The following XRCC3 variants were observed in gnomAD, a reference collection of about 807,000 sequenced individuals.
The protein encoded by XRCC3 is DNA repair protein XRCC3.
A neutral mutation model predicts 29.2 loss-of-function variants in XRCC3; 34 were observed. The ratio of observed to expected loss-of-function variants is 1.16; its 90% CI spans 0.88 to 1.55. The LOEUF is 1.55. Among genes scored for constraint, XRCC3 ranks in the 40% most tolerant of loss-of-function variants. The pLI is 0.00. For synonymous variants in XRCC3, 223 were observed against 211.3 expected (o/e 1.06, Z -0.48); for missense variants, 463 against 467.6 (o/e 0.99, Z 0.09).
At chr14:103,708,818 C>G in intron 4 of XRCC3, 159 bp from the exon 5 acceptor site, 1 of 948,054 alleles carries the variant, frequency 1.1e-6, no homozygotes, top group Non-Finnish European at 1.6e-6. Flanking sequence ...CCCTGGAAAC[C>G]CTGGACACAG....
At chr14:103,706,510 C>T (rs1310739712) in intron 6 of XRCC3, 5 of 416,314 alleles carry the variant, frequency 1.2e-5, no homozygotes, top group Non-Finnish European at 2.4e-5. Flanking sequence ...ACTTTTAACA[C>T]CTGAGAGACC....
In XRCC3 at chr14:103,707,025, C is replaced by G. The variant is rs753527159; in HGVS notation, c.384G>C (p.Arg128=). 1 of 1,563,174 alleles carries G rather than the reference C, an allele frequency of 6.4e-7. No homozygotes were observed. The highest frequency in any genetic ancestry group is 1.2e-5 in the South Asian group (1 of 85,514). ...LQLCLAVQFP[R]QHGGLEAGAV... ...CACCAGCCTCCAGGCCTCCGTGCTG[C>G]CGCGGGAACTGCACAGCCAGGCAGA... Residue 128 remains arginine (R), a synonymous_variant, in exon 6 of 10, where the codon CGG becomes CGC. Coordinates refer to ENST00000555055, the MANE Select transcript of XRCC3 (RefSeq NM_005432.4).
chr14:103,701,332 T>C (rs892707788), intron 7 of XRCC3: 16 of 973,180 alleles, frequency 1.6e-5, no homozygotes, highest in Non-Finnish European at 2.2e-5. Flanking sequence ...TGCGTCTGTG[T>C]GCATAGGACA....
intron 6 of XRCC3, chr14:103,705,058 G>A (rs1224866427): frequency 6.6e-6 from 1 of 152,230 alleles, no homozygotes; most frequent in Non-Finnish European, 1.5e-5. Context: ...CAAACGTAAA[G>A]AAGAGTTGCA....
chr14:103,713,574 G>C (rs1053741505), intron 1 of XRCC3: 2 of 152,374 alleles, frequency 1.3e-5, no homozygotes, highest in Non-Finnish European at 2.9e-5. Flanking sequence ...AGTACGGACG[G>C]TCACACCAGA....
intron 4 of XRCC3, 166 bp downstream of exon 4, chr14:103,710,867 C>CAG: frequency 1.5e-6 from 1 of 666,816 alleles, no homozygotes; most frequent in South Asian, 1.8e-5. Context: ...CACACACACA[C>CAG]ACACACACAC....
chr14:103,699,496 C>T lies in XRCC3; in HGVS notation c.642G>A (p.Ser214=), dbSNP rs200948313. The change falls in exon 8 of 10, where the codon TCG becomes TCA. Residue 214 remains serine (S), a synonymous_variant. Coordinates refer to ENST00000555055, the MANE Select transcript of XRCC3 (RefSeq NM_005432.4). The part of the protein sequence containing the change: ...RGMARLVVID[S]VAAPFRCEFD... ...ATTCACAGCGGAATGGGGCTGCCAC[C>T]GAGTCGATGACCACCAGGCGAGCCA... The T allele has an allele frequency of 7.3e-5, 117 of 1,612,884 alleles. No homozygotes were observed. Among genetic ancestry groups the T allele is most frequent in the Admixed American group, 3.5e-4 (21 of 60,026 alleles).
At chr14:103,701,300 C>T (rs181520928) in intron 7 of XRCC3, 62 of 1,284,746 alleles carry the variant, frequency 4.8e-5, no homozygotes, top group South Asian at 4.2e-4. Flanking sequence ...GGCCGGGAGC[C>T]GCAGCGCTCA....
At chr14:103,707,373 GGGGGGCCCAGCCGGGAA>G (rs1162847381) in intron 5 of XRCC3, 158 bp from the exon 6 acceptor site, 1 of 900,652 alleles carries the variant, frequency 1.1e-6, no homozygotes, top group Non-Finnish European at 1.7e-6. Context: ...AGGGCAGGGA[GGGGGGCCCAGCCGGGAA>G]GGGCGGGTGC....
chr14:103,707,628 G>A (rs78815073), intron 5 of XRCC3: 3,491 of 314,858 alleles, frequency 0.011, 89 homozygotes, highest in African/African-American at 0.06. Context: ...CCGCAGGCGC[G>A]CACACATGCA....
intron 4 of XRCC3, chr14:103,710,663 C>A: frequency 4.7e-6 from 1 of 212,322 alleles, no homozygotes; most frequent in South Asian, 6.5e-5. Flanking sequence ...ATGGTGTGAA[C>A]CCCGGGAGGC....
chr14:103,701,394 A>G, intron 7 of XRCC3: 1 of 553,168 alleles, frequency 1.8e-6, no homozygotes, highest in South Asian at 2.8e-5. Flanking sequence ...GGCTGGGCCT[A>G]AGCTGGTGCC....
chr14:103,699,147 TGCTGC>T lies in XRCC3; in HGVS notation c.802_806del (p.Ala268ThrfsTer21). The T allele has an allele frequency of 6.4e-7, 1 of 1,570,772 alleles. No homozygotes were observed. Among genetic ancestry groups the T allele is most frequent in the Non-Finnish European group, 8.6e-7 (1 of 1,160,492 alleles). On this transcript the variant is annotated frameshift_variant, in exon 9 of 10. Transcript: ENST00000555055. LOFTEE classifies it low-confidence loss of function (END_TRUNC). Reference sequence around the variant, plus strand: ...GCTGCACTCACCCCAGCGGCCCGTGTGCTGCGCCCTGCTCCTCCATGGCCTCTGTC... The same window carrying T: ...GCTGCACTCACCCCAGCGGCCCGTGTGCCCTGCTCCTCCATGGCCTCTGTC...
intron 7 of XRCC3, chr14:103,700,746 A>C (rs1410810009): frequency 6.5e-7 from 1 of 1,547,156 alleles, no homozygotes; most frequent in Non-Finnish European, 8.7e-7. Context: ...CACGGCCTGC[A>C]GCCCCAGGAA....
At chr14:103,706,743 T>G in intron 6 of XRCC3, 1 of 544,962 alleles carries the variant, frequency 1.8e-6, no homozygotes, top group Non-Finnish European at 3.3e-6. Context: ...CAGCGACCCC[T>G]GGGGGCCTAG....
intron 5 of XRCC3, chr14:103,708,273 G>T: frequency 1.8e-6 from 1 of 565,380 alleles, no homozygotes; most frequent in East Asian, 3.2e-5. Context: ...CCCCTCCTCT[G>T]GTCCATGGAG....
At position 103,703,158 on chromosome 14, in the gene XRCC3, T is replaced by G; in HGVS notation, c.561+15A>C. Reference sequence around the variant, plus strand: ...GCTTGCCTTGGGGGTGTCATGGGGCTTCTCCCACACTCACCACATCGGCCA... The same window carrying G: ...GCTTGCCTTGGGGGTGTCATGGGGCGTCTCCCACACTCACCACATCGGCCA... On this transcript the variant is annotated intron_variant, in intron 7 of 9. Transcript: ENST00000555055. 1 of 1,563,506 alleles carries G rather than the reference T, an allele frequency of 6.4e-7. No homozygotes were observed. The highest frequency in any genetic ancestry group is 1.2e-5 in the South Asian group (1 of 85,698).
At chr14:103,709,624 A>C (rs570218697) in intron 4 of XRCC3, 1 of 152,356 alleles carries the variant, frequency 6.6e-6, no homozygotes, top group Non-Finnish European at 1.5e-5. Context: ...GATCCAGCGG[A>C]GGGGGCTTCC....
At chr14:103,701,004 G>A (rs183670233) in intron 7 of XRCC3, among the ~76,000 whole-genome samples, 49 of 152,224 alleles carry the variant, frequency 3.2e-4, no homozygotes, top group Non-Finnish European at 5.1e-4. Context: ...CAGGCCTTTG[G>A]TGCTCCAGGG....
Sources: gnomAD v4.1 joint callset for allele counts (sites outside exome capture counted in the v4.1 genomes callset) on GRCh38, gnomAD v4.1.1 for gene constraint, MANE v1.5 for transcripts, NCBI Gene and HGNC (gene_info 2026-07-23, HGNC 2026-07-21) for gene names.